The following HERC1 variants were observed in gnomAD, a reference collection of about 807,000 sequenced individuals.
HERC1 encodes the protein probable E3 ubiquitin-protein ligase HERC1.
A neutral mutation model predicts 554.3 loss-of-function variants in HERC1; 160 were observed. That is an observed-to-expected ratio of 0.29 (90% CI 0.25 to 0.33). HERC1 has a LOEUF of 0.33. HERC1 is among the 10% of genes least tolerant of loss of function. The pLI is 1.00. For missense variants in HERC1, 4,919 were observed against 5,918.5 expected (o/e 0.83, Z 5.54); for synonymous variants, 2,175 against 2,131.7 (o/e 1.02, Z -0.56).
chr15:63,708,991 T>C (rs1341459609), intron 24 of HERC1, among the ~76,000 whole-genome samples: 2 of 152,118 alleles, frequency 1.3e-5, no homozygotes, highest in Admixed American at 6.6e-5. Flanking sequence ...CAAAAGTCAA[T>C]CTGGTGTTTT....
At chr15:63,714,277 C>A (rs2073436582) in intron 22 of HERC1, among the ~76,000 whole-genome samples, 1 of 151,942 alleles carries the variant, frequency 6.6e-6, no homozygotes, top group African/African-American at 2.4e-5. Context: ...TCCATATAAT[C>A]CCTACCATCT....
chr15:63,619,119 A>T (rs2067954302), intron 74 of HERC1, among the ~76,000 whole-genome samples: 1 of 152,160 alleles, frequency 6.6e-6, no homozygotes, highest in African/African-American at 2.4e-5. Context: ...TCAGTATGAT[A>T]TTGGCTGTGG....
chr15:63,675,110 T>G lies in HERC1; in HGVS notation c.7078A>C (p.Thr2360Pro). The G allele has an allele frequency of 6.3e-7, 1 of 1,581,624 alleles. No individual in the cohort carries two copies. The highest frequency in any genetic ancestry group is 2.3e-5 in the East Asian group (1 of 44,360). ...DEAEITISFP[T>P]FWSPSDTPLY... ...GGAGTATCACTAGGCGACCAAAAAG[T>G]TGGGAAGCTTTAATAAAGATCAGAA... The change falls in exon 38 of 78, where the codon ACT becomes CCT. Residue 2360 changes from threonine (T) to proline (P), a missense_variant. Physicochemically the swap from Thr to Pro is conservative, Grantham distance 38 (BLOSUM62 -1). Transcript: ENST00000443617.
intron 53 of HERC1, among the ~76,000 whole-genome samples, chr15:63,650,311 C>T (rs2069602695): frequency 6.6e-6 from 1 of 152,128 alleles, no homozygotes; most frequent in South Asian, 2.1e-4. Flanking sequence ...GAGATGGAGG[C>T]TGCAGTGAGC....
chr15:63,622,995 TATA>T (rs1221860187), intron 73 of HERC1, 104 bp from the exon 74 acceptor site: 51 of 663,200 alleles, frequency 7.7e-5, no homozygotes, highest in Non-Finnish European at 1.3e-4. Flanking sequence ...TTGAGGAATT[TATA>T]ATGCCATGTG....
At chr15:63,826,603 C>T (rs2077911755) in intron 1 of HERC1, among the ~76,000 whole-genome samples, 1 of 151,168 alleles carries the variant, frequency 6.6e-6, no homozygotes, top group Non-Finnish European at 1.5e-5. Flanking sequence ...AATGAACAAT[C>T]CTGACTAGGC....
At chr15:63,690,398 A>T in intron 32 of HERC1, 143 bp downstream of exon 32, 1 of 561,116 alleles carries the variant, frequency 1.8e-6, no homozygotes, top group Non-Finnish European at 3.1e-6. Context: ...GGGGTGAAAT[A>T]ATAAAGAAAG....
intron 77 of HERC1, among the ~76,000 whole-genome samples, chr15:63,611,720 A>C (rs1300460412): frequency 6.6e-6 from 1 of 152,244 alleles, no homozygotes. Context: ...TGTTGGTTGT[A>C]GTATGCTCTC....
rs1322073219 is a variant in HERC1, at chr15:63,747,049, G to C, written c.2389C>G (p.Leu797Val). 1.3e-6 allele frequency: 2 copies of C among 1,597,810 alleles called. No individual in the cohort carries two copies. Among genetic ancestry groups the C allele is most frequent in the Non-Finnish European group, 1.7e-6 (2 of 1,172,354 alleles). Reference protein sequence around the residue: ...HHSFLKLCLKLLSNHLALALA... With the variant: ...HHSFLKLCLKVLSNHLALALA... The stretch of plus-strand genomic sequence containing the variant: ...GCAAGAGCAAGGTGATTTGAAAGTA[G>C]CTTCAGGCACAGCTTGAGAAAACTG... The change falls in exon 12 of 78, where the codon CTA (leucine) becomes GTA (valine). Residue 797 changes from leucine to valine, a missense_variant. Leu to Val is a conservative substitution (Grantham distance 32). This residue lies in a region of HERC1 where 744 missense variants were observed against 1,090.0 expected (regional missense o/e 0.68). Coordinates refer to ENST00000443617, the MANE Select transcript of HERC1 (RefSeq NM_003922.4).
chr15:63,744,469 T>A (rs2074978992), intron 12 of HERC1, among the ~76,000 whole-genome samples: 1 of 152,028 alleles, frequency 6.6e-6, no homozygotes, highest in Non-Finnish European at 1.5e-5. Context: ...GGTCTAGAGG[T>A]GCCATCTGGG....
chr15:63,807,437 T>C (rs2077171269), intron 1 of HERC1, among the ~76,000 whole-genome samples: 1 of 152,196 alleles, frequency 6.6e-6, no homozygotes, highest in Admixed American at 6.5e-5. Context: ...TGGCTTCCAT[T>C]GCTCCAGCTC....
chr15:63,770,571 T>C (rs1296147873), intron 2 of HERC1, among the ~76,000 whole-genome samples: 1 of 152,236 alleles, frequency 6.6e-6, no homozygotes, highest in Non-Finnish European at 1.5e-5. Flanking sequence ...TACACTGAGA[T>C]TACTTCCCTA....
chr15:63,679,907 A>C (rs2152996017), intron 36 of HERC1, among the ~76,000 whole-genome samples, 170 bp downstream of exon 36: 1 of 152,312 alleles, frequency 6.6e-6, no homozygotes, highest in Non-Finnish European at 1.5e-5. Context: ...CCTTAATATT[A>C]ATATATCGTA....
In HERC1 at chr15:63,713,408, C is replaced by T. The variant is rs2073402244; in HGVS notation, c.4408G>A (p.Gly1470Arg). 1 of 1,614,004 alleles carries T rather than the reference C, an allele frequency of 6.2e-7. No homozygotes were observed. Among genetic ancestry groups the T allele is most frequent in the Non-Finnish European group, 8.5e-7 (1 of 1,179,884 alleles). ...IDELQKRREE[G>R]QLQQPSTSAS... ...CTTGTTGAAGGTTGCTGCAACTGTCCTTCTTCTCTTCGCTTCTGAAGCTCA... is the reference window on the plus strand; with the variant it reads ...CTTGTTGAAGGTTGCTGCAACTGTCTTTCTTCTCTTCGCTTCTGAAGCTCA... The change falls in exon 23 of 78, where the codon GGA becomes AGA. Residue 1470 changes from glycine (G) to arginine (R), a missense_variant. Gly to Arg is a moderately radical substitution (Grantham distance 125). Around this residue, in one of 11 missense-constraint regions of HERC1, gnomAD observed 1,121 missense variants for 1,244.0 expected, o/e 0.90. Transcript: ENST00000443617.
Position 63,680,132 on chromosome 15 carries a change from T to A in HERC1, c.6494A>T (p.Asp2165Val). ...EEPKLAFEDV[D>V]AAELYPCVMF... ...CACACATGGGTACAACTCTGCTGCA[T>A]CCACATCTTCAAAAGCTAATTTGGG... is the stretch of plus-strand genomic sequence containing the variant. The change falls in exon 36 of 78, where the codon GAT (aspartate) becomes GTT (valine). Residue 2165 changes from aspartate to valine, a missense_variant. This residue lies in a region of HERC1 where 85 missense variants were observed against 163.2 expected (regional missense o/e 0.52). Transcript: ENST00000443617. This position sits in a 1 kb window ranked among gnomAD's most constrained non-coding sequence, Gnocchi z 5.8. 1 of 1,613,420 alleles carries A rather than the reference T, an allele frequency of 6.2e-7. No individual in the cohort carries two copies. The highest frequency in any genetic ancestry group is 8.5e-7 in the Non-Finnish European group (1 of 1,179,520).
intron 1 of HERC1, among the ~76,000 whole-genome samples, chr15:63,806,089 T>C (rs1390134364): frequency 6.6e-6 from 1 of 152,190 alleles, no homozygotes; most frequent in Non-Finnish European, 1.5e-5. Flanking sequence ...TCCTGTTCAT[T>C]GCTAAAGCTT....
At chr15:63,724,623 TA>T (rs2073963654) in intron 18 of HERC1, among the ~76,000 whole-genome samples, 1 of 152,192 alleles carries the variant, frequency 6.6e-6, no homozygotes, top group Non-Finnish European at 1.5e-5. Flanking sequence ...TTAGATCTAA[TA>T]ATATCATGTA....
In HERC1 at chr15:63,643,004, C is replaced by G; in HGVS notation, c.11386G>C (p.Val3796Leu). Residue 3796 changes from valine to leucine, a missense_variant, in exon 59 of 78, where the codon GTA (valine) becomes CTA (leucine). By Grantham distance (32) the Val-to-Leu change is conservative. Coordinates refer to ENST00000443617, the MANE Select transcript of HERC1 (RefSeq NM_003922.4). ...GCTACTCCAACTTCTGGAATCCATA[C>G]TGTGGTCTGAATAGCTCCAGAGCCT... ...VIGSGAIQTT[V>L]WIPEVGVAAC... The G allele has an allele frequency of 6.2e-7, 1 of 1,613,176 alleles. No individual in the cohort carries two copies. Among genetic ancestry groups the G allele is most frequent in the Non-Finnish European group, 8.5e-7 (1 of 1,179,364 alleles).
rs201703621 is a variant in HERC1 at position 63,683,767 on chromosome 15, GC to G, written c.6225+2591del. On this transcript the variant is annotated intron_variant, in intron 34 of 77. Coordinates refer to ENST00000443617, the MANE Select transcript of HERC1 (RefSeq NM_003922.4). The stretch of plus-strand genomic sequence containing the variant: ...GGGCTCAAGCAATCCTCCAGCCTCT[GC>G]CTTCCAAGTACTGGGACTGTATAGG... 7.1e-3 allele frequency among the ~76,000 whole-genome samples: 1,084 copies of G among 152,306 alleles called. 13 individuals are homozygous for G. The highest frequency in any genetic ancestry group is 0.025 in the African/African-American group (1,043 of 41,566).
Sources: allele counts gnomAD v4.1 joint callset (sites outside exome capture counted in the v4.1 genomes callset), GRCh38; gene constraint gnomAD v4.1.1; regional missense constraint gnomAD v4.1.1; non-coding constraint Gnocchi (gnomAD v3.1); transcripts MANE v1.5; gene names NCBI Gene and HGNC (gene_info 2026-07-23, HGNC 2026-07-21).